CACNA2D3: variants seen among roughly 807,000 people sequenced by gnomAD.
The protein encoded by CACNA2D3 is calcium voltage-gated channel auxiliary subunit alpha2delta 3, also known as voltage-dependent calcium channel subunit alpha-2/delta-3.
CACNA2D3 carries 60 observed loss-of-function variants against 160.6 expected under a neutral mutation model. The ratio of observed to expected loss-of-function variants is 0.37; its 90% confidence interval spans 0.30 to 0.46. CACNA2D3 has a LOEUF of 0.46. CACNA2D3 is among the 20% of genes least tolerant of loss of function. CACNA2D3 has a pLI of 1.00. For missense variants in CACNA2D3, 1,205 were observed against 1,365.0 expected (o/e 0.88, Z 1.85); for synonymous variants, 558 against 492.9 (o/e 1.13, Z -1.75).
At chr3:54,216,386 C>A (rs1701464142) in intron 2 of CACNA2D3, among the ~76,000 whole-genome samples, 1 of 152,138 alleles carries the variant, frequency 6.6e-6, no homozygotes, top group African/African-American at 2.4e-5. Flanking sequence ...TGTGTGCTTT[C>A]TATAATAATA....
chr3:54,503,803 T>C, intron 5 of CACNA2D3, 149 bp downstream of exon 5: 1 of 675,644 alleles, frequency 1.5e-6, no homozygotes, highest in Non-Finnish European at 2.5e-6. Context: ...ATCAACTGGA[T>C]AGGTGAAGCA....
At chr3:54,880,674 G>A in intron 20 of CACNA2D3, 122 bp from the exon 21 acceptor site, 4 of 895,344 alleles carry the variant, frequency 4.5e-6, no homozygotes, top group Non-Finnish European at 7.4e-6. Flanking sequence ...TAAACAGTTG[G>A]AAAAATTGTT....
chr3:54,867,130 C>G (rs553196529), intron 17 of CACNA2D3, among the ~76,000 whole-genome samples: 2 of 152,160 alleles, frequency 1.3e-5, no homozygotes, highest in Non-Finnish European at 2.9e-5. Context: ...GCTTAGGCCC[C>G]GGTAACCAAC....
intron 2 of CACNA2D3, among the ~76,000 whole-genome samples, chr3:54,268,791 G>A (rs1702565150): frequency 6.6e-6 from 1 of 152,208 alleles, no homozygotes; most frequent in Non-Finnish European, 1.5e-5. Flanking sequence ...AAGTGGCAGA[G>A]CCGGGACTTG....
chr3:54,791,688 T>G (rs1235299895), intron 13 of CACNA2D3, among the ~76,000 whole-genome samples: 1 of 152,172 alleles, frequency 6.6e-6, no homozygotes, highest in Non-Finnish European at 1.5e-5. Flanking sequence ...CAGAGGGCAG[T>G]CACATTGAGA....
intron 35 of CACNA2D3, among the ~76,000 whole-genome samples, chr3:55,064,609 A>T (rs942884541): frequency 5.9e-5 from 9 of 152,276 alleles, no homozygotes; most frequent in African/African-American, 2.2e-4. Flanking sequence ...TCAAAGACAC[A>T]GTTAAGAATT....
chr3:54,134,857 C>T (rs1699787347), intron 2 of CACNA2D3, among the ~76,000 whole-genome samples: 1 of 152,242 alleles, frequency 6.6e-6, no homozygotes, highest in Admixed American at 6.5e-5. Flanking sequence ...CTGAGGGGTC[C>T]AGGCGCCTCT....
intron 2 of CACNA2D3, among the ~76,000 whole-genome samples, chr3:54,171,309 A>G (rs933653685): frequency 2.4e-4 from 37 of 151,738 alleles, no homozygotes; most frequent in South Asian, 2.1e-4. Context: ...CTCGAGTGCT[A>G]TCGGGTACAT....
chr3:54,783,617 TAAATA>T (rs1324391396), intron 13 of CACNA2D3, among the ~76,000 whole-genome samples: 1 of 151,238 alleles, frequency 6.6e-6, no homozygotes, highest in East Asian at 1.9e-4. Flanking sequence ...AATAAATAAA[TAAATA>T]AATAAAAATA....
intron 2 of CACNA2D3, among the ~76,000 whole-genome samples, chr3:54,152,262 T>C (rs1261426494): frequency 6.6e-6 from 1 of 152,180 alleles, no homozygotes; most frequent in East Asian, 1.9e-4. Context: ...AGCGGGGGCA[T>C]TGTGCTGTGG....
chr3:54,550,913 T>A (rs1398361115), intron 5 of CACNA2D3, among the ~76,000 whole-genome samples: 2 of 152,188 alleles, frequency 1.3e-5, no homozygotes, highest in African/African-American at 4.8e-5. Context: ...TCCCACTGGC[T>A]TCTCTCCCTC....
At chr3:54,595,416 T>A (rs1702937431) in intron 9 of CACNA2D3, among the ~76,000 whole-genome samples, 1 of 151,990 alleles carries the variant, frequency 6.6e-6, no homozygotes. Context: ...CCAAGGAGAC[T>A]AATCAAGTGA....
At chr3:54,457,305 C>G (rs1700416668) in intron 4 of CACNA2D3, among the ~76,000 whole-genome samples, 1 of 151,722 alleles carries the variant, frequency 6.6e-6, no homozygotes, top group Admixed American at 6.6e-5. Context: ...TTTCTTAATT[C>G]CTTCATTGAC....
At position 54,917,202 on chromosome 3, in the gene CACNA2D3, A is replaced by G. The variant is rs1029156561; in HGVS notation, c.2449+17334A>G. Among the ~76,000 whole-genome samples the G allele has an allele frequency of 5.9e-5, 9 of 152,368 alleles. 1 individual carries two copies. The highest frequency in any genetic ancestry group is 3.4e-3 in the Middle Eastern group (1 of 294). On this transcript the variant is annotated intron_variant, in intron 27 of 37. Transcript: ENST00000474759. ...AGCCAATTATTTCTATTACAGAAAG[A>G]TTCCATGAAAGGTTCCTTTAAATAG...
chr3:54,211,815 A>G (rs1015543890), intron 2 of CACNA2D3, among the ~76,000 whole-genome samples: 2 of 152,210 alleles, frequency 1.3e-5, no homozygotes, highest in Non-Finnish European at 2.9e-5. Flanking sequence ...GAGTTATTTT[A>G]TAAAAATATA....
At chr3:54,736,069 ATATACATATATATGTATGTG>A (rs1701508670) in intron 11 of CACNA2D3, among the ~76,000 whole-genome samples, 1 of 26,240 alleles carries the variant, frequency 3.8e-5, no homozygotes, top group African/African-American at 9.4e-5. Context: ...ATGTATATAT[ATATACATATATATGTATGTG>A]TATATATATA....
chr3:54,937,610 T>A lies in CACNA2D3; in HGVS notation c.2450-30840T>A, dbSNP rs76327282. On this transcript the variant is annotated intron_variant, in intron 27 of 37. Transcript: ENST00000474759. The stretch of plus-strand genomic sequence containing the variant: ...AGTGCAAGGAAAAAGAGGTACATGG[T>A]TCCATAAGAGAATGCAGTCTGGCAA... Among the ~76,000 whole-genome samples, 1,156 of 152,226 alleles carry A rather than the reference T, an allele frequency of 7.6e-3. 13 individuals carry two copies. Among genetic ancestry groups the A allele is most frequent in the South Asian group, 0.038 (181 of 4,808 alleles).
At chr3:54,842,324 A>G (rs1018409234) in intron 16 of CACNA2D3, among the ~76,000 whole-genome samples, 2 of 152,218 alleles carry the variant, frequency 1.3e-5, no homozygotes, top group Non-Finnish European at 2.9e-5. Flanking sequence ...CTCCTGGAGC[A>G]AATTGGCTTC....
At chr3:54,712,266 G>C (rs538381737) in intron 11 of CACNA2D3, among the ~76,000 whole-genome samples, 2 of 152,334 alleles carry the variant, frequency 1.3e-5, no homozygotes, top group South Asian at 4.1e-4. Flanking sequence ...CTTGGAGTCA[G>C]AGATCAGATG....
Sources: gnomAD v4.1 joint callset for allele counts (sites outside exome capture counted in the v4.1 genomes callset) on GRCh38, gnomAD v4.1.1 for gene constraint, MANE v1.5 for transcripts, NCBI Gene and HGNC (gene_info 2026-07-23, HGNC 2026-07-21) for gene names.